Variants in ZPBP observed in about 807,000 individuals in gnomAD.
The protein encoded by ZPBP is zona pellucida-binding protein 1.
Under a neutral mutation model 44.8 loss-of-function variants are expected in ZPBP, and 26 were observed. That is an observed-to-expected ratio of 0.58 (90% CI 0.43 to 0.81). The LOEUF is 0.81. Ranked by LOEUF, ZPBP falls within the 30% of genes least tolerant of loss-of-function variation. The probability of loss-of-function intolerance (pLI) is 0.00; values close to 1 mark genes in which losing one functional copy is unlikely to be tolerated. For synonymous variants in ZPBP, 174 were observed against 153.2 expected (o/e 1.14, Z -1.00); for missense variants, 409 against 434.0 (o/e 0.94, Z 0.51).
chr7:50,066,319 C>T (rs1801501503), intron 3 of ZPBP, among the ~76,000 whole-genome samples: 1 of 149,340 alleles, frequency 6.7e-6, no homozygotes, highest in Admixed American at 6.6e-5. Context: ...AGGTTAAGAG[C>T]TTAGGGTCAT....
In ZPBP at chr7:49,937,558, G is replaced by A; in HGVS notation, c.1026C>T (p.Ser342=). ...DGIHCLQCNS[S]LVYGAKTCL is the part of the protein sequence containing the mutation. ...AGCACGTTTTTGCTCCATACACCAG[G>A]CTGCTATTGCATTGAAGGCAATGAA... Residue 342 remains serine, a synonymous_variant, in exon 8 of 8, where the codon AGC becomes AGT. Coordinates refer to ENST00000046087, the MANE Select transcript of ZPBP (RefSeq NM_007009.3). The A allele has an allele frequency of 2.5e-6, 4 of 1,613,806 alleles. No individual in the cohort carries two copies. The highest frequency in any genetic ancestry group is 3.4e-6 in the Non-Finnish European group (4 of 1,179,834).
chr7:50,050,549 G>A lies in ZPBP; in HGVS notation c.487+7440C>T, dbSNP rs967559214. Among the ~76,000 whole-genome samples the A allele has an allele frequency of 1.8e-4, 28 of 151,894 alleles. 1 individual carries two copies. Among genetic ancestry groups the A allele is most frequent in the Admixed American group, 5.3e-4 (8 of 15,226 alleles). On this transcript the variant is annotated intron_variant, in intron 4 of 7. Transcript: ENST00000046087. Reference sequence around the variant, plus strand: ...TATTGAAGCAACTGAACATCCATATGTAAAAAATAAAAGCAATAAAAATCA... The same window carrying A: ...TATTGAAGCAACTGAACATCCATATATAAAAAATAAAAGCAATAAAAATCA...
intron 2 of ZPBP, among the ~76,000 whole-genome samples, chr7:49,852,708 C>G (rs1790230920): frequency 6.6e-6 from 1 of 152,146 alleles, no homozygotes; most frequent in African/African-American, 2.4e-5. Flanking sequence ...GGCCTTGCTC[C>G]TACAGATCAA....
At chr7:50,013,714 C>T (rs1207712012) in intron 6 of ZPBP, among the ~76,000 whole-genome samples, 1 of 151,726 alleles carries the variant, frequency 6.6e-6, no homozygotes, top group African/African-American at 2.4e-5. Flanking sequence ...AGAGATGACC[C>T]CGATATGAAA....
At chr7:49,863,612 T>C (rs1368185148) in intron 2 of ZPBP, among the ~76,000 whole-genome samples, 2 of 152,092 alleles carry the variant, frequency 1.3e-5, no homozygotes, top group African/African-American at 4.8e-5. Context: ...TTGTATTTTG[T>C]GTAGAGAAGG....
chr7:49,865,773 C>T (rs534900951), intron 2 of ZPBP, among the ~76,000 whole-genome samples: 1 of 152,308 alleles, frequency 6.6e-6, no homozygotes, highest in East Asian at 1.9e-4. Flanking sequence ...CCTGATCCAC[C>T]CACCTCCAAC....
chr7:49,894,972 C>A (rs1293047590), intron 2 of ZPBP, among the ~76,000 whole-genome samples: 1 of 152,202 alleles, frequency 6.6e-6, no homozygotes, highest in Admixed American at 6.5e-5. Context: ...CTTCCCCAGT[C>A]AAGAGTGAGT....
chr7:49,976,054 A>C (rs1330109916), intron 7 of ZPBP, among the ~76,000 whole-genome samples: 1 of 152,172 alleles, frequency 6.6e-6, no homozygotes, highest in Non-Finnish European at 1.5e-5. Flanking sequence ...TACTATTACA[A>C]TCTAATACAA....
At chr7:49,909,307 T>A (rs1267568002) in intron 1 of ZPBP, among the ~76,000 whole-genome samples, 4 of 152,016 alleles carry the variant, frequency 2.6e-5, no homozygotes, top group African/African-American at 9.7e-5. Context: ...CAAATTTACC[T>A]CTGCAAAAAA....
chr7:50,077,055 A>C (rs1265878652), intron 3 of ZPBP, among the ~76,000 whole-genome samples: 1 of 152,038 alleles, frequency 6.6e-6, no homozygotes. Flanking sequence ...ACAGACACAT[A>C]GACCAATGAA....
At chr7:49,872,915 C>CA (rs61473396) in intron 2 of ZPBP, among the ~76,000 whole-genome samples, 1,258 of 33,924 alleles carry the variant, frequency 0.037, 164 homozygotes, top group Admixed American at 0.19. Flanking sequence ...GACTTTGTCT[C>CA]AAAAAAAAAA....
At chr7:49,875,157 G>A (rs1466109696) in intron 2 of ZPBP, among the ~76,000 whole-genome samples, 1 of 151,736 alleles carries the variant, frequency 6.6e-6, no homozygotes, top group Non-Finnish European at 1.5e-5. Context: ...AGATCACAAG[G>A]TCAGGAGTTC....
intron 7 of ZPBP, among the ~76,000 whole-genome samples, chr7:49,964,049 C>T (rs987335850): frequency 1.3e-5 from 2 of 151,760 alleles, no homozygotes; most frequent in Admixed American, 6.6e-5. Context: ...AATATAACTA[C>T]TTTATTTCAA....
chr7:49,884,184 G>T lies in ZPBP; in HGVS notation n.509+16934C>A, dbSNP rs1035111991. 2.6e-5 allele frequency among the ~76,000 whole-genome samples: 4 copies of T among 152,332 alleles called. No homozygotes were observed. The East Asian group carries it at 7.7e-4, about 29-fold the overall frequency. Reference sequence around the variant, plus strand: ...CAGTCCCATGGAGTGTGGGAGGGAAGAAGGGTCCAGGCTGCTGGCTGAGGA... The same window carrying T: ...CAGTCCCATGGAGTGTGGGAGGGAATAAGGGTCCAGGCTGCTGGCTGAGGA... On this transcript the variant is annotated intron_variant and non_coding_transcript_variant, in intron 2 of 2. Coordinates refer to the ZPBP transcript ENST00000465922.
chr7:50,021,785 C>A (rs1031783242), intron 5 of ZPBP, among the ~76,000 whole-genome samples: 3 of 152,098 alleles, frequency 2.0e-5, no homozygotes, highest in Non-Finnish European at 4.4e-5. Flanking sequence ...TGGTGGTGTG[C>A]CCAAAGTGGG....
chr7:49,972,852 T>G (rs1375369966), intron 7 of ZPBP, among the ~76,000 whole-genome samples: 1 of 151,274 alleles, frequency 6.6e-6, no homozygotes, highest in African/African-American at 2.4e-5. Context: ...ATAAAAACAG[T>G]GTGATAATGG....
In ZPBP at chr7:50,018,256, T is replaced by G; in HGVS notation, c.767A>C (p.Tyr256Ser). Residue 256 changes from tyrosine (Y) to serine (S), a missense_variant, in exon 6 of 8, where the codon TAC (tyrosine) becomes TCC (serine). Around this residue, in one of 2 missense-constraint regions of ZPBP, gnomAD observed 367 missense variants for 363.1 expected, o/e 1.01. Coordinates refer to ENST00000046087, the MANE Select transcript of ZPBP (RefSeq NM_007009.3). Reference protein sequence around the residue: ...KRCTDHNCEPYKRLFKAKNLI... With the variant: ...KRCTDHNCEPSKRLFKAKNLI... ...ATAACATACCTTAAAAAGTCTTTTGTAAGGTTCACAGTTATGGTCTGTACA... is the reference window on the plus strand; with the variant it reads ...ATAACATACCTTAAAAAGTCTTTTGGAAGGTTCACAGTTATGGTCTGTACA... 3 of 1,611,062 alleles carry G rather than the reference T, an allele frequency of 1.9e-6. No individual in the cohort carries two copies. The highest frequency in any genetic ancestry group is 1.1e-5 in the South Asian group (1 of 91,006).
intron 2 of ZPBP, among the ~76,000 whole-genome samples, chr7:49,865,041 T>C (rs972485328): frequency 1.3e-5 from 2 of 152,208 alleles, no homozygotes; most frequent in Admixed American, 1.3e-4. Context: ...ATATTTATTC[T>C]TAAAGATCTT....
downstream of ZPBP, chr7:49,936,037 A>T (rs1794609870): frequency 6.6e-6 from 1 of 152,236 alleles, no homozygotes; most frequent in Non-Finnish European, 1.5e-5. Flanking sequence ...ATAAGGAACA[A>T]AAAGGAAAGA....
Sources: gnomAD v4.1 joint callset for allele counts (sites outside exome capture counted in the v4.1 genomes callset) on GRCh38, gnomAD v4.1.1 for gene constraint, gnomAD v4.1.1 regional missense constraint, MANE v1.5 for transcripts, NCBI Gene and HGNC (gene_info 2026-07-23, HGNC 2026-07-21) for gene names.